DCT: variants seen among roughly 807,000 people sequenced by gnomAD.
DCT encodes the protein L-dopachrome tautomerase.
DCT carries 47 observed loss-of-function variants against 53.0 expected under a neutral mutation model. That is an observed-to-expected ratio of 0.89 (90% CI 0.70 to 1.13). The LOEUF is 1.13. Ranked by LOEUF, DCT falls within the 50% of genes most tolerant of loss-of-function variation. The pLI, the probability that DCT is intolerant of heterozygous loss-of-function variation, is 0.00. For missense variants in DCT, 669 were observed against 637.4 expected (o/e 1.05, Z -0.53); for synonymous variants, 244 against 237.0 (o/e 1.03, Z -0.27).
At chr13:94,461,726 C>A (rs141684345) in intron 5 of DCT, among the ~76,000 whole-genome samples, 1 of 152,060 alleles carries the variant, frequency 6.6e-6, no homozygotes, top group Admixed American at 6.5e-5. Flanking sequence ...TAATGAAGTA[C>A]CCTGTTTCCA....
intron 1 of DCT, among the ~76,000 whole-genome samples, chr13:94,474,214 A>G (rs1165321113): frequency 6.6e-6 from 1 of 151,702 alleles, no homozygotes; most frequent in Non-Finnish European, 1.5e-5. Flanking sequence ...AATTAAATTT[A>G]AAGAGTCAAA....
the DCT span, among the ~76,000 whole-genome samples, chr13:94,512,380 A>T: frequency 5.0e-4 from 76 of 152,376 alleles, 1 homozygote; most frequent in African/African-American, 1.8e-3. Flanking sequence ...TCATCAAGTA[A>T]CAAAAATAGT....
the DCT span, among the ~76,000 whole-genome samples, chr13:94,541,684 T>A: frequency 2.6e-5 from 4 of 152,210 alleles, no homozygotes; most frequent in Admixed American, 2.0e-4. Context: ...GGATTTGGAA[T>A]GTTCCCAACA....
At chr13:94,501,453 C>T in the DCT span, among the ~76,000 whole-genome samples, 4 of 152,162 alleles carry the variant, frequency 2.6e-5, no homozygotes, top group East Asian at 7.8e-4. Flanking sequence ...GTTGTCCTTT[C>T]TAGTCACCAT....
At chr13:94,473,237 C>T (rs1884868107) in intron 1 of DCT, among the ~76,000 whole-genome samples, 1 of 152,140 alleles carries the variant, frequency 6.6e-6, no homozygotes, top group African/African-American at 2.4e-5. Context: ...ATCCATATGA[C>T]TATTTTGGTT....
the DCT span, among the ~76,000 whole-genome samples, chr13:94,533,395 A>G: frequency 6.6e-6 from 1 of 152,044 alleles, no homozygotes; most frequent in Admixed American, 6.6e-5. Context: ...CATTGTGACA[A>G]TCCTGTAAGA....
Position 94,479,159 on chromosome 13 carries a change from C to A in DCT, c.97G>T (p.Asp33Tyr). The A allele has an allele frequency of 2.5e-6, 4 of 1,614,082 alleles. No homozygotes were observed. Among genetic ancestry groups the A allele is most frequent in the Non-Finnish European group, 3.4e-6 (4 of 1,179,918 alleles). The part of the protein sequence containing the change: ...GQFPRVCMTV[D>Y]SLVNKECCPR... ...CAGCACTCCTTGTTCACTAGGCTGTCCACCGTCATGCAGACTCGGGGGAAC... is the reference window on the plus strand; with the variant it reads ...CAGCACTCCTTGTTCACTAGGCTGTACACCGTCATGCAGACTCGGGGGAAC... The change falls in exon 1 of 8, where the codon GAC becomes TAC. Residue 33 changes from aspartate (D) to tyrosine (Y), a missense_variant. Asp to Tyr is a radical substitution (Grantham distance 160). Coordinates refer to ENST00000377028, the MANE Select transcript of DCT (RefSeq NM_001922.5).
At chr13:94,486,963 T>C in the DCT span, among the ~76,000 whole-genome samples, 1 of 152,220 alleles carries the variant, frequency 6.6e-6, no homozygotes, top group Non-Finnish European at 1.5e-5. Context: ...AGCCAAGTTG[T>C]TGTTTACAAA....
At chr13:94,464,501 G>A (rs769011052) in intron 4 of DCT, among the ~76,000 whole-genome samples, 9 of 152,020 alleles carry the variant, frequency 5.9e-5, no homozygotes, top group South Asian at 2.1e-4. Flanking sequence ...TTAGCTGGGC[G>A]TGGTTGCGCA....
chr13:94,512,973 C>T, the DCT span, among the ~76,000 whole-genome samples: 1 of 152,198 alleles, frequency 6.6e-6, no homozygotes, highest in Non-Finnish European at 1.5e-5. Flanking sequence ...GAAAGAAGGG[C>T]TTTCCAGGCA....
chr13:94,494,697 G>T, the DCT span, among the ~76,000 whole-genome samples: 20 of 152,332 alleles, frequency 1.3e-4, no homozygotes, highest in Admixed American at 5.2e-4. Flanking sequence ...AAGTGTTAAA[G>T]AAACAGAAGC....
At chr13:94,452,314 T>C (rs1883147918) in intron 6 of DCT, among the ~76,000 whole-genome samples, 1 of 152,232 alleles carries the variant, frequency 6.6e-6, no homozygotes, top group Non-Finnish European at 1.5e-5. Flanking sequence ...ATTACAGGCG[T>C]GAGCCACTGC....
At chr13:94,537,433 C>T in the DCT span, among the ~76,000 whole-genome samples, 1 of 152,164 alleles carries the variant, frequency 6.6e-6, no homozygotes, top group Non-Finnish European at 1.5e-5. Context: ...AGGATTACAA[C>T]CTAAATTAAC....
chr13:94,541,504 C>CA, the DCT span, among the ~76,000 whole-genome samples: 306 of 129,502 alleles, frequency 2.4e-3, 1 homozygote, highest in African/African-American at 3.7e-3. Flanking sequence ...AACCCTGTCT[C>CA]AAAAAAAAAA....
chr13:94,492,983 T>C, the DCT span, among the ~76,000 whole-genome samples: 2,142 of 152,266 alleles, frequency 0.014, 59 homozygotes, highest in African/African-American at 0.048. Context: ...CTTTGCTCAA[T>C]CAAAACATGG....
the DCT span, among the ~76,000 whole-genome samples, chr13:94,543,219 T>C: frequency 1.3e-5 from 2 of 152,188 alleles, no homozygotes; most frequent in Non-Finnish European, 2.9e-5. Flanking sequence ...AGTCACTTAG[T>C]GTTAAGAGAT....
chr13:94,507,775 TA>T, the DCT span, among the ~76,000 whole-genome samples: 35 of 152,188 alleles, frequency 2.3e-4, no homozygotes, highest in African/African-American at 8.0e-4. Flanking sequence ...GCTGGGATTA[TA>T]GGCGTGAGCC....
intron 6 of DCT, among the ~76,000 whole-genome samples, chr13:94,454,327 T>C (rs984226125): frequency 5.9e-5 from 9 of 152,348 alleles, no homozygotes; most frequent in Admixed American, 2.6e-4. Flanking sequence ...CATCCAAGTA[T>C]ACTCTTAAGA....
intron 7 of DCT, among the ~76,000 whole-genome samples, chr13:94,442,778 T>A (rs1340930461): frequency 6.6e-6 from 1 of 152,202 alleles, no homozygotes; most frequent in African/African-American, 2.4e-5. Flanking sequence ...GCAGGTGGTA[T>A]AGGCTAAATG....
Sources: gnomAD v4.1 joint callset for allele counts (sites outside exome capture counted in the v4.1 genomes callset) on GRCh38, gnomAD v4.1.1 for gene constraint, MANE v1.5 for transcripts, NCBI Gene and HGNC (gene_info 2026-07-23, HGNC 2026-07-21) for gene names.